The following RAB11FIP1 variants were observed in gnomAD, a reference collection of about 807,000 sequenced individuals.
RAB11FIP1 encodes rab11 family-interacting protein 1.
In RAB11FIP1, 49 loss-of-function variants were observed where a neutral mutation model predicts 83.1. That is an observed-to-expected ratio of 0.59 (90% confidence interval 0.47 to 0.75). The LOEUF is 0.75. Ranked by LOEUF, RAB11FIP1 falls within the 30% of genes least tolerant of loss-of-function variation. The pLI is 0.00. For synonymous variants in RAB11FIP1, 670 were observed against 656.0 expected (o/e 1.02, Z -0.33); for missense variants, 1,536 against 1,598.7 (o/e 0.96, Z 0.67).
intron 1 of RAB11FIP1, among the ~76,000 whole-genome samples, chr8:37,894,739 T>TATATATATATATATATAC (rs1416954611): frequency 2.7e-5 from 4 of 147,232 alleles, no homozygotes; most frequent in African/African-American, 1.0e-4. Context: ...TATATATATA[T>TATATATATATATATATAC]ACACACACAC....
rs1339965461 is a variant in RAB11FIP1, at chr8:37,874,726, T to A, written c.1411A>T (p.Lys471Ter). 12 of 1,614,122 alleles carry A rather than the reference T, an allele frequency of 7.4e-6. No homozygotes were observed. The highest frequency in any genetic ancestry group is 1.0e-5 in the Non-Finnish European group (12 of 1,180,016). Residue 471 changes from lysine to a stop codon, truncating the protein, a stop_gained, in exon 3 of 6, where the codon AAG (lysine) becomes TAG (stop). Transcript: ENST00000330843. LOFTEE classifies it high-confidence loss of function. Reference protein sequence around the residue: ...REKEGMLMGVKPGEDASGPAE... With the variant: ...REKEGMLMGV ...GGCCCCGATGCGTCCTCCCCCGGCT[T>A]AACCCCCATCAGCATGCCTTCCTTC...
chr8:37,892,744 G>A (rs1349760275), intron 1 of RAB11FIP1, among the ~76,000 whole-genome samples: 1 of 152,058 alleles, frequency 6.6e-6, no homozygotes, highest in African/African-American at 2.4e-5. Flanking sequence ...AGCCCCCACT[G>A]CTTTTAATTT....
Position 37,871,532 on chromosome 8 carries a change from G to A in RAB11FIP1, c.3270C>T (p.Ser1090=). ...NGSPSPPPGT[S]LDNPVPSPSP... Reference sequence around the variant, plus strand: ...AGGGGCTGGGTACAGGATTGTCCAGGGATGTGCCAGGAGGCGGGCTTGGAC... The same window carrying A: ...AGGGGCTGGGTACAGGATTGTCCAGAGATGTGCCAGGAGGCGGGCTTGGAC... The change falls in exon 4 of 6, where the codon TCC becomes TCT. Residue 1090 remains serine, a synonymous_variant. Transcript: ENST00000330843. The A allele has an allele frequency of 4.4e-6, 7 of 1,605,154 alleles. No homozygotes were observed. Among genetic ancestry groups the A allele is most frequent in the Non-Finnish European group, 6.0e-6 (7 of 1,174,470 alleles).
chr8:37,896,467 G>T (rs1328913859), intron 1 of RAB11FIP1, among the ~76,000 whole-genome samples: 1 of 152,014 alleles, frequency 6.6e-6, no homozygotes, highest in Non-Finnish European at 1.5e-5. Flanking sequence ...GAGATGCAAA[G>T]AAGCCTTCCT....
At position 37,861,424 on chromosome 8, in the gene RAB11FIP1, T is replaced by C. The variant is rs1169789297; in HGVS notation, c.*1471A>G. ...TACAATTTCCCCAGTATCCCACAAA[T>C]AATTTGGGTTTCCTTTTGGGCAGGG... On this transcript the variant is annotated 3_prime_UTR_variant, in exon 6 of 6. Transcript: ENST00000330843. 1 of 353,928 alleles carries C rather than the reference T, an allele frequency of 2.8e-6. No individual in the cohort carries two copies. The highest frequency in any genetic ancestry group is 5.5e-6 in the Non-Finnish European group (1 of 183,164). The allele number at this position is 353,928 out of a possible 1,614,324, so 21.9% of individuals were successfully genotyped here.
At position 37,875,018 on chromosome 8, in the gene RAB11FIP1, ACCT is replaced by A. The variant is rs763157377; in HGVS notation, c.1116_1118del (p.Gly374del). The A allele has an allele frequency of 6.8e-6, 11 of 1,613,800 alleles. No individual in the cohort carries two copies. In the Admixed American group the frequency reaches 1.7e-4, roughly 24 times the overall value. ...AGAGCTGCCTGTCAGAAGACAGCCC[ACCT>A]CCTTCAGCAGGCTCCTTCCAAGACC... On this transcript the variant is annotated inframe_deletion, in exon 3 of 6. Transcript: ENST00000330843.
At position 37,899,053 on chromosome 8, in the gene RAB11FIP1, C is replaced by T; in HGVS notation, c.371+18G>A. 1.4e-6 allele frequency: 2 copies of T among 1,462,212 alleles called. No homozygotes were observed. Among genetic ancestry groups the T allele is most frequent in the Non-Finnish European group, 9.0e-7 (1 of 1,116,254 alleles). 90.6% of individuals were successfully genotyped at this position (1,462,212 alleles called of 1,614,324 possible). A position where few individuals can be genotyped will look rare whatever the true frequency, so the allele number is the denominator to read the frequency against. On this transcript the variant is annotated intron_variant, in intron 1 of 5. Coordinates refer to ENST00000330843, the MANE Select transcript of RAB11FIP1 (RefSeq NM_001002814.3). This position sits in a 1 kb window ranked among gnomAD's most constrained non-coding sequence, Gnocchi z 4.5. ...CCGCGCCCCCAGGCCGGGCCCTCCC[C>T]TCCCCGCCCGCACTCACTGCGTCTT...
chr8:37,872,921 T>A lies in RAB11FIP1; in HGVS notation c.1881A>T (p.Gly627=), dbSNP rs745387768. The A allele has an allele frequency of 1.2e-6, 2 of 1,614,198 alleles. No individual in the cohort carries two copies. Among genetic ancestry groups the A allele is most frequent in the African/African-American group, 1.3e-5 (1 of 75,052 alleles). The part of the protein sequence containing the change: ...LVDRGQAKSE[G]PPLLPKAELQ... ...ACTCTGCCTTAGGGAGCAAGGGTGG[T>A]CCTTCAGACTTGGCCTGGCCCCTGT... The change falls in exon 4 of 6, where the codon GGA becomes GGT. Residue 627 remains glycine, a synonymous_variant. Coordinates refer to ENST00000330843, the MANE Select transcript of RAB11FIP1 (RefSeq NM_001002814.3).
chr8:37,872,789 C>A lies in RAB11FIP1; in HGVS notation c.2013G>T (p.Leu671=), dbSNP rs145393788. 1.1e-4 allele frequency: 174 copies of A among 1,614,224 alleles called. No individual in the cohort carries two copies. The African/African-American group carries it at 2.0e-3, about 18-fold the overall frequency. The change falls in exon 4 of 6, where the codon CTG becomes CTT. Residue 671 remains leucine (L), a synonymous_variant. Transcript: ENST00000330843. The part of the protein sequence containing the change: ...FPANKGTEDS[L]MGRTRETGTE... Reference sequence around the variant, plus strand: ...TGCCTGTCTCACGGGTCCTGCCCATCAGAGAATCTTCTGTCCCTTTATTTG... The same window carrying A: ...TGCCTGTCTCACGGGTCCTGCCCATAAGAGAATCTTCTGTCCCTTTATTTG...
At chr8:37,891,679 T>C (rs1016814811) in intron 1 of RAB11FIP1, among the ~76,000 whole-genome samples, 1 of 152,252 alleles carries the variant, frequency 6.6e-6, no homozygotes, top group African/African-American at 2.4e-5. Context: ...GGCACAAGAC[T>C]CTTTTCTATG....
At chr8:37,889,845 G>A (rs952566270) in intron 1 of RAB11FIP1, among the ~76,000 whole-genome samples, 5 of 151,812 alleles carry the variant, frequency 3.3e-5, no homozygotes, top group South Asian at 4.2e-4. Flanking sequence ...GTGCAGTGGC[G>A]GGATCTTGGC....
intron 1 of RAB11FIP1, among the ~76,000 whole-genome samples, chr8:37,891,737 GA>G (rs1277788923): frequency 6.6e-6 from 1 of 152,076 alleles, no homozygotes; most frequent in African/African-American, 2.4e-5. Flanking sequence ...ACTTACTTGA[GA>G]ATTTTTTTTT....
chr8:37,888,296 G>A lies in RAB11FIP1; in HGVS notation c.372-10745C>T, dbSNP rs139524695. On this transcript the variant is annotated intron_variant, in intron 1 of 5. Coordinates refer to ENST00000330843, the MANE Select transcript of RAB11FIP1 (RefSeq NM_001002814.3). ...TAATTTTTGTATCTTTAGTAGAGAC[G>A]GAGTTTCACCATGCTGGCCAGGTTG... Among the ~76,000 whole-genome samples the A allele has an allele frequency of 5.6e-3, 851 of 152,062 alleles. 3 individuals carry two copies. The highest frequency in any genetic ancestry group is 0.02 in the African/African-American group (811 of 41,478).
At chr8:37,865,458 T>C (rs1806324378) in intron 5 of RAB11FIP1, among the ~76,000 whole-genome samples, 1 of 152,096 alleles carries the variant, frequency 6.6e-6, no homozygotes, top group African/African-American at 2.4e-5. Context: ...TAGCTGGGAT[T>C]ACAGGCACCT....
At position 37,868,347 on chromosome 8, in the gene RAB11FIP1, G is replaced by A. The variant is rs145398835; in HGVS notation, c.3633+2073C>T. Among the ~76,000 whole-genome samples the A allele has an allele frequency of 1.8e-3, 280 of 151,806 alleles. 7 individuals are homozygous for A. In the East Asian group the frequency reaches 0.026, roughly 14 times the overall value. On this transcript the variant is annotated intron_variant, in intron 5 of 5. Transcript: ENST00000330843. ...TGAGGTGGGAGAATCCCTTGAACCC[G>A]GGAGGTGGAGGTTGCGGTGAGCCAA... is the stretch of plus-strand genomic sequence containing the variant.
At chr8:37,870,018 T>G (rs773999591) in intron 5 of RAB11FIP1, among the ~76,000 whole-genome samples, 5 of 152,088 alleles carry the variant, frequency 3.3e-5, no homozygotes, top group Admixed American at 6.5e-5. Flanking sequence ...TGGGCCAGAC[T>G]GGGTGTGGTG....
chr8:37,890,926 G>A (rs1439281797), intron 1 of RAB11FIP1, among the ~76,000 whole-genome samples: 3 of 152,134 alleles, frequency 2.0e-5, no homozygotes, highest in Non-Finnish European at 4.4e-5. Flanking sequence ...GCTTCTCCAC[G>A]TTCACCCAGG....
intron 1 of RAB11FIP1, among the ~76,000 whole-genome samples, chr8:37,887,538 A>T (rs1195683835): frequency 2.6e-5 from 4 of 152,088 alleles, no homozygotes; most frequent in African/African-American, 9.7e-5. Flanking sequence ...CTCAAAAAAA[A>T]AAAAAAAAAA....
Position 37,860,172 on chromosome 8 carries a change from A to G in RAB11FIP1, c.*2723T>C, listed in dbSNP as rs1806207566. On this transcript the variant is annotated 3_prime_UTR_variant, in exon 6 of 6. Transcript: ENST00000330843. ...CACACCCCAGGTCCTAGCAGCAGAC[A>G]TCTCCAAACCAACATCCTTGTGAAC... is the stretch of plus-strand genomic sequence containing the variant. The G allele has an allele frequency of 6.5e-6, 1 of 152,734 alleles. No individual in the cohort carries two copies. The highest frequency in any genetic ancestry group is 1.9e-4 in the East Asian group (1 of 5,194). 9.5% of individuals were successfully genotyped at this position (152,734 alleles called of 1,614,324 possible). A position where few individuals can be genotyped will look rare whatever the true frequency, so the allele number is the denominator to read the frequency against.
Sources: allele counts gnomAD v4.1 joint callset (sites outside exome capture counted in the v4.1 genomes callset), GRCh38; gene constraint gnomAD v4.1.1; non-coding constraint Gnocchi (gnomAD v3.1); transcripts MANE v1.5; gene names NCBI Gene and HGNC (gene_info 2026-07-23, HGNC 2026-07-21).